Variants in USHBP1 observed in about 807,000 individuals in gnomAD.
The protein encoded by USHBP1 is harmonin-binding protein USHBP1.
A neutral mutation model predicts 76.2 loss-of-function variants in USHBP1; 67 were observed. The observed-to-expected ratio is 0.88, with a 90% confidence interval of 0.72 to 1.08. USHBP1 has a LOEUF of 1.08. Among genes scored for constraint, USHBP1 ranks in the 50% least tolerant of loss-of-function variants. The pLI is 0.00. For missense variants in USHBP1, 931 were observed against 915.0 expected, an observed-to-expected ratio of 1.02 and a Z score of -0.23; for synonymous variants, 322 against 362.2, an observed-to-expected ratio of 0.89 and a Z score of 1.26.
intron 7 of USHBP1, 66 bp downstream of exon 7, chr19:17,259,223 T>C: frequency 6.5e-7 from 1 of 1,535,748 alleles, no homozygotes. Flanking sequence ...GTTCTGTGGA[T>C]TGGGGCCATC....
rs1330163182 is a variant in USHBP1 at position 17,252,104 on chromosome 19, G to C, written c.1693-87C>G. 26 of 1,232,232 alleles carry C rather than the reference G, an allele frequency of 2.1e-5. No individual in the cohort carries two copies. In the Admixed American group the frequency reaches 3.4e-4, roughly 16 times the overall value. The allele number at this position is 1,232,232 out of a possible 1,614,324, so 76.3% of individuals were successfully genotyped here. A position where few individuals can be genotyped will look rare whatever the true frequency, so the allele number is the denominator to read the frequency against. ...ACTGGACATTGGAGCTGCCCAGACA[G>C]TGGCAGCTGCTGTGCTCTCAGAGAC... On this transcript the variant is annotated intron_variant, in intron 10 of 12. Coordinates refer to ENST00000252597, the MANE Select transcript of USHBP1 (RefSeq NM_031941.4).
intron 10 of USHBP1, 76 bp downstream of exon 10, chr19:17,255,309 A>G: frequency 6.8e-7 from 1 of 1,470,914 alleles, no homozygotes; most frequent in South Asian, 1.3e-5. Flanking sequence ...AACAAAAAAA[A>G]AAAGGCTGTG....
chr19:17,253,885 T>C (rs1394553125), intron 10 of USHBP1, among the ~76,000 whole-genome samples: 1 of 116,284 alleles, frequency 8.6e-6, no homozygotes, highest in African/African-American at 3.3e-5. Flanking sequence ...CAGAGCAAGA[T>C]CCGTTTCCCA....
chr19:17,262,469 CAAAT>C (rs2073700196), intron 4 of USHBP1, 79 bp downstream of exon 4: 5 of 1,462,140 alleles, frequency 3.4e-6, no homozygotes, highest in Non-Finnish European at 1.8e-6. Context: ...TTTGAATGAA[CAAAT>C]GAATGAATAT....
intron 7 of USHBP1, 200 bp from the exon 8 acceptor site, chr19:17,258,585 T>A: frequency 1.9e-6 from 1 of 530,548 alleles, no homozygotes. Flanking sequence ...GGTACGCACC[T>A]GTAGTTCCAG....
intron 3 of USHBP1, chr19:17,263,238 A>G (rs1181934784): frequency 8.8e-6 from 3 of 339,762 alleles, no homozygotes; most frequent in Admixed American, 4.4e-5. Flanking sequence ...GGGTTTCACC[A>G]TGTTGGCTAG....
chr19:17,250,442 A>C, intron 12 of USHBP1, 28 bp from the exon 13 acceptor site: 1 of 1,602,380 alleles, frequency 6.2e-7, no homozygotes. Flanking sequence ...CTGGGTCAGG[A>C]AACAGCCCCC....
In USHBP1 at chr19:17,262,862, G is replaced by C; in HGVS notation, c.332C>G (p.Pro111Arg). 1.2e-6 allele frequency: 2 copies of C among 1,612,962 alleles called. No individual in the cohort carries two copies. The highest frequency in any genetic ancestry group is 1.7e-6 in the Non-Finnish European group (2 of 1,179,202). Residue 111 changes from proline to arginine, a missense_variant, in exon 4 of 13, where the codon CCT (proline) becomes CGT (arginine). Pro to Arg is a moderately radical substitution (Grantham distance 103, BLOSUM62 -2). Coordinates refer to ENST00000252597, the MANE Select transcript of USHBP1 (RefSeq NM_031941.4). ...AAACACATCGGGGGCCCCATTCCCAGGGGGCACAGTCTCCTTGTACTGTAG... is the reference window on the plus strand; with the variant it reads ...AAACACATCGGGGGCCCCATTCCCACGGGGCACAGTCTCCTTGTACTGTAG... Reference protein sequence around the residue: ...AALQYKETVPPGNGAPDVFQT... With the variant: ...AALQYKETVPRGNGAPDVFQT...
At chr19:17,264,640 C>A (rs1454570398) in intron 1 of USHBP1, 31 bp downstream of exon 1, 3 of 354,820 alleles carry the variant, frequency 8.5e-6, no homozygotes, top group Non-Finnish European at 1.6e-5. Flanking sequence ...CCTCCCCGGC[C>A]CTCCTAAATG....
Position 17,250,308 on chromosome 19 carries a change from C to T in USHBP1, c.2029G>A (p.Ala677Thr), listed in dbSNP as rs748304624. The T allele has an allele frequency of 6.2e-7, 1 of 1,613,596 alleles. No individual in the cohort carries two copies. Among genetic ancestry groups the T allele is most frequent in the Non-Finnish European group, 8.5e-7 (1 of 1,179,938 alleles). ...GCCCTTGCAGTGGCTTCGAGCACCG[C>T]CACCTCCTCGGCCTGCTGAGCCTCC... ...LMEAQQAEEV[A>T]VLEATARALG... Residue 677 changes from alanine (A) to threonine (T), a missense_variant, in exon 13 of 13, where the codon GCG (alanine) becomes ACG (threonine). Transcript: ENST00000252597.
Position 17,258,360 on chromosome 19 carries a change from C to T in USHBP1, c.1072G>A (p.Val358Ile), listed in dbSNP as rs1057207611. ...TCGGCCTCCCGCAGAGCAAGCAGAA[C>T]CCTGTATGCCTCTTCACAGTGTTCA... is the stretch of plus-strand genomic sequence containing the variant. ...YSEHCEEAYR[V>I]LLALREADSG... Residue 358 changes from valine to isoleucine, a missense_variant, in exon 8 of 13, where the codon GTT becomes ATT. Val to Ile is a conservative substitution (Grantham distance 29). Transcript: ENST00000252597. The T allele has an allele frequency of 1.9e-6, 3 of 1,613,708 alleles. No homozygotes were observed. The African/African-American group carries it at 4.0e-5, about 22-fold the overall frequency.
rs1237924208 is a variant in USHBP1, at chr19:17,249,370, T to C, written c.*855A>G. 6.6e-6 allele frequency: 1 copy of C among 152,210 alleles called. No homozygotes were observed. The highest frequency in any genetic ancestry group is 2.4e-5 in the African/African-American group (1 of 41,444). The allele number at this position is 152,210 out of a possible 1,614,324, so 9.4% of individuals were successfully genotyped here. A position where few individuals can be genotyped will look rare whatever the true frequency, so the allele number is the denominator to read the frequency against. On this transcript the variant is annotated 3_prime_UTR_variant, in exon 13 of 13. Coordinates refer to ENST00000252597, the MANE Select transcript of USHBP1 (RefSeq NM_031941.4). ...CAACACCCAGCCAATTTTTGTATTT[T>C]TAGTAGAGACGGGGGTTTCACCATG...
At chr19:17,259,761 C>G in intron 5 of USHBP1, 29 bp from the exon 6 acceptor site, 1 of 1,588,488 alleles carries the variant, frequency 6.3e-7, no homozygotes, top group Non-Finnish European at 8.6e-7. Context: ...ATAACTGACC[C>G]CAATTGTCAC....
intron 7 of USHBP1, 118 bp downstream of exon 7, chr19:17,259,171 A>C: frequency 6.3e-6 from 9 of 1,425,246 alleles, no homozygotes; most frequent in African/African-American, 1.4e-5. Context: ...TCTCAAAAAA[A>C]AAAATTAATT....
intron 10 of USHBP1, among the ~76,000 whole-genome samples, chr19:17,253,566 G>T (rs1236806142): frequency 6.7e-6 from 1 of 149,864 alleles, no homozygotes; most frequent in Non-Finnish European, 1.5e-5. Context: ...TGGGATTACA[G>T]GTGTGAGCCA....
intron 1 of USHBP1, 45 bp downstream of exon 1, chr19:17,264,626 C>G (rs1351803577): frequency 1.3e-5 from 5 of 381,836 alleles, no homozygotes; most frequent in Non-Finnish European, 1.9e-5. Context: ...CAAGAATTCC[C>G]TCTCCTCCCC....
At chr19:17,252,726 CA>C (rs909348595) in intron 10 of USHBP1, among the ~76,000 whole-genome samples, 32 of 142,288 alleles carry the variant, frequency 2.2e-4, no homozygotes, top group Admixed American at 2.8e-4. Flanking sequence ...GATACGGTCT[CA>C]AAAAAAAAAA....
intron 7 of USHBP1, 63 bp from the exon 8 acceptor site, chr19:17,258,448 C>T: frequency 1.9e-6 from 3 of 1,556,750 alleles, no homozygotes; most frequent in Non-Finnish European, 2.6e-6. Flanking sequence ...ATGGCCCTCA[C>T]CTGTAGTCCC....
At chr19:17,251,482 G>T in intron 12 of USHBP1, 100 bp downstream of exon 12, 3 of 1,507,336 alleles carry the variant, frequency 2.0e-6, no homozygotes, top group Non-Finnish European at 9.1e-7. Context: ...CTATCTTGGG[G>T]CAGTGGGGAA....
Sources: allele counts gnomAD v4.1 joint callset (sites outside exome capture counted in the v4.1 genomes callset), GRCh38; gene constraint gnomAD v4.1.1; transcripts MANE v1.5; gene names NCBI Gene and HGNC (gene_info 2026-07-23, HGNC 2026-07-21).